BBS9: variants seen among roughly 807,000 people sequenced by gnomAD.
The protein encoded by BBS9 is Bardet-Biedl syndrome 9.
Under a neutral mutation model 117.7 loss-of-function variants are expected in BBS9, and 89 were observed. The observed-to-expected ratio is 0.76, with a 90% CI of 0.64 to 0.90. BBS9 has a LOEUF of 0.90. BBS9 is among the 40% of genes least tolerant of loss of function. BBS9 has a pLI of 0.00. For missense variants in BBS9, 982 were observed against 1,042.2 expected, an observed-to-expected ratio of 0.94 and a Z score of 0.80; for synonymous variants, 379 against 370.9, an observed-to-expected ratio of 1.02 and a Z score of -0.25.
intron 19 of BBS9, among the ~76,000 whole-genome samples, chr7:33,408,254 T>G (rs1157181181): frequency 6.6e-6 from 1 of 152,180 alleles, no homozygotes; most frequent in Non-Finnish European, 1.5e-5. Context: ...GTGCGGGATA[T>G]AATCTCCTGG....
intron 19 of BBS9, among the ~76,000 whole-genome samples, chr7:33,494,011 G>A (rs549766782): frequency 9.8e-4 from 149 of 152,304 alleles, no homozygotes; most frequent in African/African-American, 3.4e-3. Flanking sequence ...CAGTGTTGCT[G>A]GAGATACTAG....
intron 20 of BBS9, among the ~76,000 whole-genome samples, chr7:33,521,905 C>T (rs1258239696): frequency 7.9e-5 from 9 of 113,880 alleles, no homozygotes; most frequent in African/African-American, 2.6e-4. Context: ...CCTCCCCCCA[C>T]CCCACCACAG....
intron 4 of BBS9, among the ~76,000 whole-genome samples, chr7:33,164,698 T>G (rs1344188113): frequency 6.6e-6 from 1 of 152,184 alleles, no homozygotes; most frequent in Non-Finnish European, 1.5e-5. Flanking sequence ...TCTTCCTTTA[T>G]CCTTTTATTT....
rs75322166 is a variant in BBS9, at chr7:33,409,926, T to C, written c.2115+21782T>C. ...CTTCCTATAGATACCCTCTTGTCTT[T>C]CAAGCTTTTCCTATTTCACCATGCC... On this transcript the variant is annotated intron_variant, in intron 19 of 22. Transcript: ENST00000242067. Among the ~76,000 whole-genome samples the C allele has an allele frequency of 9.4e-4, 143 of 152,300 alleles. 1 individual carries two copies. In the East Asian group the frequency reaches 0.018, roughly 20 times the overall value.
At chr7:33,208,570 G>A (rs1178526522) in intron 5 of BBS9, among the ~76,000 whole-genome samples, 1 of 152,186 alleles carries the variant, frequency 6.6e-6, no homozygotes, top group Non-Finnish European at 1.5e-5. Flanking sequence ...AATCTTATAA[G>A]CCTTTCTTTC....
chr7:33,556,708 A>G (rs1855346586), intron 21 of BBS9, among the ~76,000 whole-genome samples: 1 of 152,182 alleles, frequency 6.6e-6, no homozygotes, highest in Admixed American at 6.5e-5. Flanking sequence ...ATGACTTTAG[A>G]GGTGTCAATT....
chr7:33,258,574 A>G (rs1047577560), intron 6 of BBS9, among the ~76,000 whole-genome samples: 2 of 152,126 alleles, frequency 1.3e-5, no homozygotes, highest in Non-Finnish European at 2.9e-5. Flanking sequence ...TGGCATTGCT[A>G]TTGGTAATAA....
In BBS9 at chr7:33,605,585, T is replaced by C. The variant is rs1463819096; in HGVS notation, c.*359T>C. The C allele has an allele frequency of 3.3e-6, 1 of 303,624 alleles. No individual in the cohort carries two copies. The highest frequency in any genetic ancestry group is 7.4e-5 in the East Asian group (1 of 13,500). The allele number at this position is 303,624 out of a possible 1,614,324, so 18.8% of individuals were successfully genotyped here. A position where few individuals can be genotyped will look rare whatever the true frequency, so the allele number is the denominator to read the frequency against. On this transcript the variant is annotated 3_prime_UTR_variant, in exon 23 of 23. Coordinates refer to ENST00000242067, the MANE Select transcript of BBS9 (RefSeq NM_198428.3). ...ATACCCCATTTTTTCACAGAATTCT[T>C]ATATAGTAAATGTATCAAGTTTAAT...
intron 21 of BBS9, among the ~76,000 whole-genome samples, chr7:33,563,797 G>T (rs1403716821): frequency 6.6e-6 from 1 of 152,148 alleles, no homozygotes; most frequent in Non-Finnish European, 1.5e-5. Context: ...CTGCAATATA[G>T]TATCTGTGCC....
chr7:33,430,227 T>C (rs1011059457), intron 19 of BBS9, among the ~76,000 whole-genome samples: 5 of 152,246 alleles, frequency 3.3e-5, no homozygotes, highest in African/African-American at 1.2e-4. Context: ...TTCACTCACT[T>C]ACTCAAAAGA....
chr7:33,144,874 A>T (rs1792086298), intron 1 of BBS9, among the ~76,000 whole-genome samples: 1 of 152,160 alleles, frequency 6.6e-6, no homozygotes, highest in East Asian at 1.9e-4. Flanking sequence ...GACTTAAAAT[A>T]TTTTCAATTT....
intron 4 of BBS9, among the ~76,000 whole-genome samples, chr7:33,160,736 C>T (rs1794719245): frequency 6.6e-6 from 1 of 152,096 alleles, no homozygotes; most frequent in South Asian, 2.1e-4. Flanking sequence ...TTCAAGGTCC[C>T]AAAGTGTTGC....
intron 21 of BBS9, among the ~76,000 whole-genome samples, chr7:33,587,483 A>G (rs1221481809): frequency 2.0e-5 from 3 of 152,080 alleles, no homozygotes; most frequent in African/African-American, 7.2e-5. Flanking sequence ...AGACAGTTCT[A>G]CATTTCCTCT....
intron 21 of BBS9, among the ~76,000 whole-genome samples, chr7:33,598,434 C>G (rs185104144): frequency 2.3e-3 from 354 of 152,188 alleles, no homozygotes; most frequent in African/African-American, 8.2e-3. Context: ...ATGAAGTATT[C>G]TGGATAGCAT....
rs1793986169 is a variant in BBS9 at position 33,155,656 on chromosome 7, T to G, written c.282T>G (p.His94Gln). ...GKFVSGTEML[H>Q]LAVLHSRKLC... ...TTTTCAGAGGTACCGAAATGCTACATTTGGCTGTGTTACATTCTAGAAAAC... is the reference window on the plus strand; with the variant it reads ...TTTTCAGAGGTACCGAAATGCTACAGTTGGCTGTGTTACATTCTAGAAAAC... The change falls in exon 4 of 23, where the codon CAT becomes CAG. Residue 94 changes from histidine to glutamine, a missense_variant. His to Gln is a conservative substitution (Grantham distance 24). Transcript: ENST00000242067. 6.2e-7 allele frequency: 1 copy of G among 1,601,222 alleles called. No individual in the cohort carries two copies. The highest frequency in any genetic ancestry group is 1.3e-5 in the African/African-American group (1 of 74,550).
chr7:33,398,922 T>C (rs10464226), intron 19 of BBS9, among the ~76,000 whole-genome samples: 96,470 of 151,952 alleles, frequency 0.63, 31,261 homozygotes, highest in African/African-American at 0.77. Flanking sequence ...ATGTGACCCA[T>C]CCGCCTTGGC....
At chr7:33,368,682 G>C (rs1394539528) in intron 17 of BBS9, among the ~76,000 whole-genome samples, 1 of 151,138 alleles carries the variant, frequency 6.6e-6, no homozygotes, top group African/African-American at 2.4e-5. Flanking sequence ...TAGTTTTTCT[G>C]GTGAGCTTTC....
intron 9 of BBS9, among the ~76,000 whole-genome samples, chr7:33,305,165 A>G (rs564316613): frequency 2.4e-4 from 36 of 151,380 alleles, no homozygotes; most frequent in African/African-American, 7.0e-4. Context: ...AAATGATCAT[A>G]TGGGTTTTGT....
intron 21 of BBS9, among the ~76,000 whole-genome samples, chr7:33,539,774 C>A (rs745785882): frequency 3.3e-5 from 5 of 152,196 alleles, no homozygotes; most frequent in Non-Finnish European, 5.9e-5. Context: ...ACTGGCCTTG[C>A]GTGTGACAGG....
Sources: allele counts gnomAD v4.1 joint callset (sites outside exome capture counted in the v4.1 genomes callset), GRCh38; gene constraint gnomAD v4.1.1; transcripts MANE v1.5; gene names NCBI Gene and HGNC (gene_info 2026-07-23, HGNC 2026-07-21).